AK5: variants seen among roughly 807,000 people sequenced by gnomAD.
AK5 encodes adenylate kinase isoenzyme 5.
Under a neutral mutation model 69.5 loss-of-function variants are expected in AK5, and 27 were observed. The ratio of observed to expected loss-of-function variants is 0.39; its 90% confidence interval spans 0.29 to 0.54. AK5 has a LOEUF of 0.54. AK5 is among the 20% of genes least tolerant of loss of function. The pLI, the probability that AK5 is intolerant of heterozygous loss-of-function variation, is 0.71. For missense variants in AK5, 531 were observed against 700.4 expected, an observed-to-expected ratio of 0.76 and a Z score of 2.73; for synonymous variants, 260 against 244.4, an observed-to-expected ratio of 1.06 and a Z score of -0.60.
intron 12 of AK5, among the ~76,000 whole-genome samples, chr1:77,531,715 G>A (rs1658605201): frequency 1.3e-5 from 2 of 152,314 alleles, no homozygotes; most frequent in Admixed American, 6.5e-5. Flanking sequence ...AGTGGATCCT[G>A]CACTGGGCCA....
intron 6 of AK5, among the ~76,000 whole-genome samples, chr1:77,396,289 T>C (rs556084567): frequency 1.3e-5 from 2 of 152,340 alleles, no homozygotes; most frequent in South Asian, 4.1e-4. Flanking sequence ...ATTCCATTAT[T>C]GTAAATCTGA....
At chr1:77,479,885 T>G (rs77620777) in intron 8 of AK5, among the ~76,000 whole-genome samples, 1,550 of 152,288 alleles carry the variant, frequency 0.01, 35 homozygotes, top group East Asian at 0.079. Context: ...GGGTTGAGTC[T>G]TCTCAAGTGA....
chr1:77,381,802 CACTT>C (rs1647653772), intron 6 of AK5, among the ~76,000 whole-genome samples: 1 of 152,170 alleles, frequency 6.6e-6, no homozygotes, highest in Non-Finnish European at 1.5e-5. Context: ...ATTATAGAGA[CACTT>C]ATTTAAAAGT....
intron 8 of AK5, among the ~76,000 whole-genome samples, chr1:77,438,500 G>A (rs1652111668): frequency 6.6e-6 from 1 of 151,944 alleles, no homozygotes; most frequent in South Asian, 2.1e-4. Context: ...ATTCTATCAG[G>A]GAATGTCAGG....
intron 10 of AK5, among the ~76,000 whole-genome samples, chr1:77,488,939 T>A (rs547337037): frequency 1.3e-5 from 2 of 152,332 alleles, no homozygotes; most frequent in East Asian, 3.8e-4. Flanking sequence ...CCCTTTATTA[T>A]CACATAGAAA....
intron 13 of AK5, among the ~76,000 whole-genome samples, chr1:77,536,272 G>A (rs1255863112): frequency 1.3e-5 from 2 of 152,130 alleles, no homozygotes; most frequent in Non-Finnish European, 2.9e-5. Flanking sequence ...ACCAGCCTAA[G>A]CAACATAGTG....
chr1:77,416,420 G>A (rs180969171), intron 7 of AK5, among the ~76,000 whole-genome samples: 26 of 152,246 alleles, frequency 1.7e-4, no homozygotes, highest in African/African-American at 4.3e-4. Context: ...TCATGGCAAC[G>A]CTATGATTAC....
At chr1:77,503,735 C>A (rs923843316) in intron 10 of AK5, among the ~76,000 whole-genome samples, 1 of 152,040 alleles carries the variant, frequency 6.6e-6, no homozygotes, top group African/African-American at 2.4e-5. Flanking sequence ...AACCCTGTCT[C>A]TACTAAATAT....
Position 77,457,614 on chromosome 1 carries a change from G to C in AK5, c.1060-25703G>C, listed in dbSNP as rs554468342. Among the ~76,000 whole-genome samples, 78 of 152,112 alleles carry C rather than the reference G, an allele frequency of 5.1e-4. 3 individuals carry two copies. In the South Asian group the frequency reaches 0.016, roughly 31 times the overall value. On this transcript the variant is annotated intron_variant, in intron 8 of 13. Coordinates refer to ENST00000354567, the MANE Select transcript of AK5 (RefSeq NM_174858.3). ...AGTTTTGTGGGTGTAATATCTTCTTGTATCTTTCTGAGAATAATGTTTAAA... is the reference window on the plus strand; with the variant it reads ...AGTTTTGTGGGTGTAATATCTTCTTCTATCTTTCTGAGAATAATGTTTAAA...
intron 6 of AK5, among the ~76,000 whole-genome samples, chr1:77,379,664 A>G (rs1377484053): frequency 1.3e-5 from 2 of 152,230 alleles, no homozygotes; most frequent in African/African-American, 2.4e-5. Context: ...AGCAGGGCAC[A>G]TCTATCTTTA....
intron 6 of AK5, among the ~76,000 whole-genome samples, chr1:77,381,114 A>G (rs115964702): frequency 6.0e-4 from 92 of 152,294 alleles, no homozygotes; most frequent in African/African-American, 2.2e-3. Flanking sequence ...TGTACATTGG[A>G]ACCTAGCATG....
At chr1:77,370,481 T>C (rs1647099465) in intron 6 of AK5, among the ~76,000 whole-genome samples, 1 of 152,130 alleles carries the variant, frequency 6.6e-6, no homozygotes, top group African/African-American at 2.4e-5. Context: ...ATTTTCCAAC[T>C]TTTTGCATGA....
intron 12 of AK5, among the ~76,000 whole-genome samples, chr1:77,523,992 C>T (rs1348200847): frequency 6.6e-6 from 1 of 152,098 alleles, no homozygotes; most frequent in Non-Finnish European, 1.5e-5. Flanking sequence ...CCTCCTTTCC[C>T]CAGCTCCTGA....
chr1:77,342,832 T>G (rs1423106471), intron 6 of AK5, among the ~76,000 whole-genome samples: 1 of 100,184 alleles, frequency 1.0e-5, no homozygotes, highest in African/African-American at 4.0e-5. Context: ...TTCTCTGTAG[T>G]TTTTTTTTTT....
At chr1:77,531,977 TGCCTGCGGCCATCCG>T (rs1336880881) in intron 12 of AK5, 1 of 127,038 alleles carries the variant, frequency 7.9e-6, no homozygotes, top group Non-Finnish European at 1.8e-5. Flanking sequence ...AGCCCCTCAC[TGCCTGCGGCCATCCG>T]GCCGGCCGGC....
intron 5 of AK5, chr1:77,314,763 TG>T (rs763737391): frequency 5.9e-5 from 9 of 152,196 alleles, no homozygotes; most frequent in Non-Finnish European, 8.8e-5. Flanking sequence ...GCTATAATTT[TG>T]TAAAGGTACT....
chr1:77,295,211 CAG>C (rs1658923716), intron 3 of AK5, among the ~76,000 whole-genome samples: 2 of 152,146 alleles, frequency 1.3e-5, no homozygotes, highest in South Asian at 2.1e-4. Context: ...GTTGCATTAA[CAG>C]AGTGTCAAAT....
intron 6 of AK5, among the ~76,000 whole-genome samples, chr1:77,379,290 C>T (rs1313168095): frequency 6.6e-6 from 1 of 152,192 alleles, no homozygotes; most frequent in Non-Finnish European, 1.5e-5. Context: ...GGAGACTTGC[C>T]TACTGTGGTT....
chr1:77,319,394 T>C (rs988647951), intron 5 of AK5, among the ~76,000 whole-genome samples: 5 of 152,164 alleles, frequency 3.3e-5, no homozygotes, highest in African/African-American at 7.2e-5. Flanking sequence ...AAAGGGAAAA[T>C]GGATAACACA....
Sources: gnomAD v4.1 joint callset for allele counts (sites outside exome capture counted in the v4.1 genomes callset) on GRCh38, gnomAD v4.1.1 for gene constraint, MANE v1.5 for transcripts, NCBI Gene and HGNC (gene_info 2026-07-23, HGNC 2026-07-21) for gene names.